Variants in SMURF1 observed in about 807,000 individuals in gnomAD.
SMURF1 encodes E3 ubiquitin-protein ligase SMURF1.
SMURF1 carries 44 observed loss-of-function variants against 98.0 expected under a neutral mutation model. The observed-to-expected ratio is 0.45, with a 90% confidence interval of 0.35 to 0.58. The LOEUF is 0.58. SMURF1 is among the 20% of genes least tolerant of loss of function. The pLI is 0.00. For missense variants in SMURF1, 687 were observed against 938.4 expected (o/e 0.73, Z 3.50); for synonymous variants, 396 against 374.9 (o/e 1.06, Z -0.65).
chr7:99,135,320 CTTCTCTCTT>C (rs941608653), intron 1 of SMURF1, among the ~76,000 whole-genome samples: 1 of 152,136 alleles, frequency 6.6e-6, no homozygotes, highest in Non-Finnish European at 1.5e-5. Context: ...GTCACCCTCT[CTTCTCTCTT>C]TTCTCTCCTC....
At chr7:99,143,704 G>A (rs755443791) in intron 1 of SMURF1, 22 bp downstream of exon 1, 3 of 1,548,158 alleles carry the variant, frequency 1.9e-6, no homozygotes, top group Non-Finnish European at 2.6e-6. Context: ...CGGGGCGCGG[G>A]TGGGCCTCCC....
intron 1 of SMURF1, among the ~76,000 whole-genome samples, chr7:99,097,152 TAGAAA>T (rs2150584941): frequency 6.6e-6 from 1 of 152,206 alleles, no homozygotes; most frequent in African/African-American, 2.4e-5. Context: ...ATGTTTTTAT[TAGAAA>T]AGAAAAAAGT....
At chr7:99,126,363 T>A (rs945474025) in intron 1 of SMURF1, among the ~76,000 whole-genome samples, 8 of 151,190 alleles carry the variant, frequency 5.3e-5, no homozygotes, top group Non-Finnish European at 7.4e-5. Flanking sequence ...TTTTTTTTTT[T>A]AATTATGGGC....
chr7:99,046,424 C>T (rs952718114), intron 10 of SMURF1, among the ~76,000 whole-genome samples: 9 of 152,080 alleles, frequency 5.9e-5, no homozygotes, highest in Non-Finnish European at 1.0e-4. Context: ...TTAAATTTAA[C>T]GCAATTCAAA....
At chr7:99,118,967 C>T (rs1441686329) in intron 1 of SMURF1, among the ~76,000 whole-genome samples, 1 of 141,154 alleles carries the variant, frequency 7.1e-6, no homozygotes, top group South Asian at 2.2e-4. Flanking sequence ...CTCAAGCGAT[C>T]GTCCCATCTC....
intron 1 of SMURF1, among the ~76,000 whole-genome samples, chr7:99,132,343 T>C (rs1042557344): frequency 3.3e-5 from 5 of 152,052 alleles, no homozygotes; most frequent in African/African-American, 9.6e-5. Context: ...CACCAGGTAT[T>C]TGTGAGCACC....
intron 1 of SMURF1, among the ~76,000 whole-genome samples, chr7:99,122,327 C>CAAA (rs1210398152): frequency 3.0e-5 from 3 of 99,308 alleles, no homozygotes; most frequent in Non-Finnish European, 4.1e-5. Flanking sequence ...GACTCTGTCT[C>CAAA]AAAAAAAAAA....
At chr7:99,128,763 G>A (rs1377088388) in intron 1 of SMURF1, among the ~76,000 whole-genome samples, 1 of 152,178 alleles carries the variant, frequency 6.6e-6, no homozygotes, top group African/African-American at 2.4e-5. Flanking sequence ...AGAGGTTACC[G>A]GCACTACCAT....
chr7:99,143,635 G>T (rs1156307389), intron 1 of SMURF1, 91 bp downstream of exon 1: 15 of 1,138,626 alleles, frequency 1.3e-5, no homozygotes, highest in African/African-American at 8.2e-5. Flanking sequence ...CGGCCGGCGT[G>T]GGGGAGGGCC....
chr7:99,035,911 C>T (rs1795120405), intron 15 of SMURF1, 195 bp from the exon 16 acceptor site: 1 of 608,356 alleles, frequency 1.6e-6, no homozygotes, highest in South Asian at 2.0e-5. Flanking sequence ...CCGCCTCCTC[C>T]AAACGGGTCT....
intron 1 of SMURF1, among the ~76,000 whole-genome samples, chr7:99,085,353 C>CAAAAAAA (rs992976220): frequency 1.9e-5 from 1 of 52,322 alleles, no homozygotes; most frequent in Non-Finnish European, 3.8e-5. Flanking sequence ...AACTCCATCT[C>CAAAAAAA]AAAAAAAAAA....
chr7:99,049,953 C>T (rs1795706538), intron 8 of SMURF1: 1 of 382,142 alleles, frequency 2.6e-6, no homozygotes, highest in Non-Finnish European at 4.6e-6. Context: ...TAGCTCACGC[C>T]TGTAATCCCA....
chr7:99,121,043 G>A (rs960266045), intron 1 of SMURF1: 1 of 152,024 alleles, frequency 6.6e-6, no homozygotes, highest in African/African-American at 2.4e-5. Context: ...ATAACAGGAT[G>A]TCTGTAACGA....
chr7:99,062,471 TAGTA>T (rs1487150098), intron 1 of SMURF1, among the ~76,000 whole-genome samples: 2 of 151,806 alleles, frequency 1.3e-5, no homozygotes, highest in Non-Finnish European at 2.9e-5. Flanking sequence ...TGTTGGAAAA[TAGTA>T]AGCAAGGGGA....
intron 16 of SMURF1, among the ~76,000 whole-genome samples, chr7:99,035,121 G>A (rs982234091): frequency 2.6e-5 from 4 of 152,216 alleles, no homozygotes; most frequent in South Asian, 2.1e-4. Flanking sequence ...GTGGCTAAAC[G>A]GGTTCATGTG....
intron 1 of SMURF1, among the ~76,000 whole-genome samples, chr7:99,098,990 G>A (rs1797012012): frequency 6.6e-6 from 1 of 152,180 alleles, no homozygotes; most frequent in South Asian, 2.1e-4. Flanking sequence ...ACACTGTGAT[G>A]GGAAGACAAG....
At chr7:99,050,576 C>A in intron 8 of SMURF1, 1 of 202,030 alleles carries the variant, frequency 4.9e-6, no homozygotes, top group Non-Finnish European at 1.0e-5. Context: ...AATTTCAACA[C>A]AATCTACAGT....
Position 99,143,547 on chromosome 7 carries a change from GGGCAAC to G in SMURF1, c.55+173_55+178del, listed in dbSNP as rs200944799. Among the ~76,000 whole-genome samples the G allele has an allele frequency of 1.6e-4, 21 of 128,436 alleles. 1 individual carries two copies. The East Asian group carries it at 5.3e-3, about 32-fold the overall frequency. 84.3% of individuals were successfully genotyped at this position (128,436 alleles called of 152,430 possible). A position where few individuals can be genotyped will look rare whatever the true frequency, so the allele number is the denominator to read the frequency against. On this transcript the variant is annotated intron_variant, in intron 1 of 17. Coordinates refer to ENST00000361368, the MANE Select transcript of SMURF1 (RefSeq NM_181349.3). ...GCGCGAGCGGCCAGGGGGCGGGGCC[GGGCAAC>G]GGCGAGGGGGCGGGGCCAGGAGGGA...
chr7:99,074,668 C>A (rs925155329), intron 1 of SMURF1, among the ~76,000 whole-genome samples: 1 of 151,750 alleles, frequency 6.6e-6, no homozygotes. Context: ...ATATGACCAA[C>A]AAAAGACCTG....
Sources: gnomAD v4.1 joint callset for allele counts (sites outside exome capture counted in the v4.1 genomes callset) on GRCh38, gnomAD v4.1.1 for gene constraint, MANE v1.5 for transcripts, NCBI Gene and HGNC (gene_info 2026-07-23, HGNC 2026-07-21) for gene names.